The following FAM222B variants were observed in gnomAD, a reference collection of about 807,000 sequenced individuals.
The protein encoded by FAM222B is family with sequence similarity 222 member B.
A neutral mutation model predicts 38.0 loss-of-function variants in FAM222B; 12 were observed. The observed-to-expected ratio is 0.32, with a 90% CI of 0.20 to 0.51. The LOEUF (loss-of-function observed/expected upper bound fraction) is 0.51, where lower values mean the gene tolerates loss of function less well. FAM222B is among the 20% of genes least tolerant of loss of function. The pLI, the probability that FAM222B is intolerant of heterozygous loss-of-function variation, is 0.97. For synonymous variants in FAM222B, 329 were observed against 317.2 expected, an observed-to-expected ratio of 1.04 and a Z score of -0.40; for missense variants, 716 against 754.2, an observed-to-expected ratio of 0.95 and a Z score of 0.59.
In FAM222B at chr17:28,758,176, G is replaced by C. The variant is rs2034801888; in HGVS notation, c.*94C>G. ...TAGACATCTAAGAATGATCACACTG[G>C]AGCAGTGAAACTTTGAAACTATCCA... On this transcript the variant is annotated 3_prime_UTR_variant, in exon 3 of 3. Coordinates refer to ENST00000581407, the MANE Select transcript of FAM222B (RefSeq NM_001077498.3). The C allele has an allele frequency of 9.3e-7, 1 of 1,080,260 alleles. No homozygotes were observed. Among genetic ancestry groups the C allele is most frequent in the East Asian group, 2.4e-5 (1 of 40,924 alleles). 66.9% of individuals were successfully genotyped at this position (1,080,260 alleles called of 1,614,324 possible).
At chr17:28,787,321 A>C (rs2036460217) in intron 1 of FAM222B, among the ~76,000 whole-genome samples, 1 of 152,154 alleles carries the variant, frequency 6.6e-6, no homozygotes, top group Admixed American at 6.6e-5. Flanking sequence ...TTGATACATT[A>C]ATGCATTCTA....
At chr17:28,794,604 A>G (rs1188156544) in intron 1 of FAM222B, among the ~76,000 whole-genome samples, 1 of 152,206 alleles carries the variant, frequency 6.6e-6, no homozygotes, top group African/African-American at 2.4e-5. Flanking sequence ...TAAAATTAAA[A>G]TTTTAAAAAT....
At chr17:28,829,467 C>A (rs1422551387) in intron 1 of FAM222B, among the ~76,000 whole-genome samples, 1 of 152,110 alleles carries the variant, frequency 6.6e-6, no homozygotes, top group South Asian at 2.1e-4. Flanking sequence ...CCACTGCGCC[C>A]GGCCCACTGT....
At chr17:28,787,888 G>T (rs903331963) in intron 1 of FAM222B, among the ~76,000 whole-genome samples, 1 of 141,034 alleles carries the variant, frequency 7.1e-6, no homozygotes, top group African/African-American at 2.7e-5. Context: ...GCAATGGCAC[G>T]ATCTTGGCTC....
intron 1 of FAM222B, among the ~76,000 whole-genome samples, chr17:28,815,545 G>A (rs527708812): frequency 6.6e-6 from 1 of 152,264 alleles, no homozygotes; most frequent in South Asian, 2.1e-4. Flanking sequence ...TAAAAAAGCG[G>A]GCCAGGTGCA....
At chr17:28,777,407 G>A (rs772919657) in intron 1 of FAM222B, among the ~76,000 whole-genome samples, 16 of 152,004 alleles carry the variant, frequency 1.1e-4, no homozygotes, top group Non-Finnish European at 2.1e-4. Flanking sequence ...TACTCTGTCC[G>A]GGATCTACTT....
intron 1 of FAM222B, among the ~76,000 whole-genome samples, chr17:28,842,175 A>G (rs1379472060): frequency 6.6e-6 from 1 of 152,110 alleles, no homozygotes; most frequent in African/African-American, 2.4e-5. Context: ...AGCTTTATCA[A>G]TGGTGGACTT....
intron 2 of FAM222B, among the ~76,000 whole-genome samples, chr17:28,762,882 G>A (rs1287511515): frequency 6.6e-6 from 1 of 150,820 alleles, no homozygotes; most frequent in Non-Finnish European, 1.5e-5. Flanking sequence ...GGGTTGCAGT[G>A]AGCCAAGATC....
rs1294497821 is a variant in FAM222B at position 28,758,000 on chromosome 17, T to C, written c.*270A>G. ...AAGATGGGTGGGAGCTGGCTGGAAATGGCCAAGGTGGAGAGACTAGCTGAC... is the reference window on the plus strand; with the variant it reads ...AAGATGGGTGGGAGCTGGCTGGAAACGGCCAAGGTGGAGAGACTAGCTGAC... On this transcript the variant is annotated 3_prime_UTR_variant, in exon 3 of 3. Transcript: ENST00000581407. 5 of 344,712 alleles carry C rather than the reference T, an allele frequency of 1.5e-5. No homozygotes were observed. In the East Asian group the frequency reaches 2.5e-4, roughly 17 times the overall value. 21.4% of individuals were successfully genotyped at this position (344,712 alleles called of 1,614,324 possible). A position where few individuals can be genotyped will look rare whatever the true frequency, so the allele number is the denominator to read the frequency against.
upstream of FAM222B, among the ~76,000 whole-genome samples, chr17:28,846,128 A>G (rs1339514635): frequency 5.5e-5 from 8 of 145,698 alleles, no homozygotes. Context: ...GCGTGAACCC[A>G]GGAGGTGGAG....
chr17:28,810,503 CTT>C (rs2037710389), intron 1 of FAM222B, among the ~76,000 whole-genome samples: 1 of 151,050 alleles, frequency 6.6e-6, no homozygotes, highest in South Asian at 2.1e-4. Flanking sequence ...TACTAGCTAA[CTT>C]TGTTTTATAT....
At chr17:28,851,351 G>A (rs2039179800) in intron 1 of FAM222B, among the ~76,000 whole-genome samples, 1 of 151,622 alleles carries the variant, frequency 6.6e-6, no homozygotes, top group Admixed American at 6.6e-5. Context: ...TGGCCAACAT[G>A]GTGAAACCCC....
At chr17:28,810,808 T>G (rs2037724379) in intron 1 of FAM222B, among the ~76,000 whole-genome samples, 1 of 152,252 alleles carries the variant, frequency 6.6e-6, no homozygotes, top group Admixed American at 6.5e-5. Context: ...TTTCCACAGC[T>G]GAAATGGTTT....
At chr17:28,849,783 G>T (rs1289968999) in intron 1 of FAM222B, among the ~76,000 whole-genome samples, 1 of 152,022 alleles carries the variant, frequency 6.6e-6, no homozygotes, top group Non-Finnish European at 1.5e-5. Context: ...AAGTTGAAAT[G>T]TAAAAATTCC....
chr17:28,815,535 TAAA>T (rs1295759834), intron 1 of FAM222B, among the ~76,000 whole-genome samples: 4 of 147,076 alleles, frequency 2.7e-5, no homozygotes, highest in Non-Finnish European at 6.0e-5. Context: ...TTTTAAAAAA[TAAA>T]AAAGCGGGCC....
chr17:28,823,583 T>C (rs975032914), intron 1 of FAM222B, among the ~76,000 whole-genome samples: 7 of 152,284 alleles, frequency 4.6e-5, no homozygotes, highest in Non-Finnish European at 1.0e-4. Context: ...GATCTTACTA[T>C]GTTACCCAGG....
In FAM222B at chr17:28,759,882, G is replaced by A. The variant is rs1257761418; in HGVS notation, c.83-6C>T. The A allele has an allele frequency of 1.3e-6, 2 of 1,515,134 alleles. No homozygotes were observed. Among genetic ancestry groups the A allele is most frequent in the African/African-American group, 1.4e-5 (1 of 72,418 alleles). 93.9% of individuals were successfully genotyped at this position (1,515,134 alleles called of 1,614,324 possible). A position where few individuals can be genotyped will look rare whatever the true frequency, so the allele number is the denominator to read the frequency against. ...CATTTTCTGTGTAGTGTCCCCTAGA[G>A]AGAGAGAATGGGAAGGAGAGCAAAG... On this transcript the variant is annotated splice_polypyrimidine_tract_variant and splice_region_variant and intron_variant, in intron 2 of 2. Coordinates refer to ENST00000581407, the MANE Select transcript of FAM222B (RefSeq NM_001077498.3). This position sits in a 1 kb window ranked among gnomAD's most constrained non-coding sequence, Gnocchi z 4.8.
intron 1 of FAM222B, among the ~76,000 whole-genome samples, chr17:28,796,914 T>C (rs1363742855): frequency 6.6e-6 from 1 of 150,968 alleles, no homozygotes; most frequent in Non-Finnish European, 1.5e-5. Flanking sequence ...AGTAACATTA[T>C]CAGATGTCTA....
intron 1 of FAM222B, among the ~76,000 whole-genome samples, chr17:28,839,372 C>T (rs1050522103): frequency 2.0e-5 from 3 of 151,990 alleles, no homozygotes; most frequent in Non-Finnish European, 4.4e-5. Context: ...TTTTTCTTCC[C>T]CAGGGAAAGA....
Sources: gnomAD v4.1 joint callset for allele counts (sites outside exome capture counted in the v4.1 genomes callset) on GRCh38, gnomAD v4.1.1 for gene constraint, Gnocchi (gnomAD v3.1) non-coding constraint, MANE v1.5 for transcripts, NCBI Gene and HGNC (gene_info 2026-07-23, HGNC 2026-07-21) for gene names.